The following KDM4C variants were observed in gnomAD, a reference collection of about 807,000 sequenced individuals.
KDM4C encodes the protein lysine demethylase 4C, also known as lysine-specific demethylase 4C.
A neutral mutation model predicts 129.3 loss-of-function variants in KDM4C; 81 were observed. The observed-to-expected ratio is 0.63, with a 90% CI of 0.52 to 0.75. The LOEUF (loss-of-function observed/expected upper bound fraction) is 0.75, where lower values mean the gene tolerates loss of function less well. KDM4C is among the 30% of genes least tolerant of loss of function. The pLI is 0.00. For missense variants in KDM4C, 1,457 were observed against 1,304.0 expected (o/e 1.12, Z -1.81); for synonymous variants, 573 against 456.1 (o/e 1.26, Z -3.26).
At chr9:7,076,778 C>T in intron 17 of KDM4C, 3 of 1,075,480 alleles carry the variant, frequency 2.8e-6, no homozygotes, top group Non-Finnish European at 3.4e-6. Flanking sequence ...CTAGAGTTTC[C>T]CTTTCCCTTT....
intron 17 of KDM4C, among the ~76,000 whole-genome samples, chr9:7,095,581 G>A (rs1836326067): frequency 6.6e-6 from 1 of 151,466 alleles, no homozygotes; most frequent in East Asian, 1.9e-4. Context: ...CCTAAATTGT[G>A]CCATATGGGA....
At chr9:6,755,002 C>T (rs150140955), upstream of KDM4C, among the ~76,000 whole-genome samples, 3 of 152,050 alleles carry the variant, frequency 2.0e-5, no homozygotes, top group East Asian at 1.9e-4. Context: ...CTTTTGGAGG[C>T]GGAGGCCAGC....
At chr9:7,088,370 T>G (rs930653591) in intron 17 of KDM4C, among the ~76,000 whole-genome samples, 216 of 152,352 alleles carry the variant, frequency 1.4e-3, no homozygotes, top group African/African-American at 5.1e-3. Flanking sequence ...AATGTGGCAT[T>G]TTTAAACTCT....
chr9:6,991,816 GC>G, intron 12 of KDM4C, among the ~76,000 whole-genome samples: 1 of 152,002 alleles, frequency 6.6e-6, no homozygotes, highest in South Asian at 2.1e-4. Context: ...TGGGAGCATT[GC>G]TTGAGCTCAG....
intron 4 of KDM4C, among the ~76,000 whole-genome samples, chr9:6,821,924 T>C (rs1447464564): frequency 6.6e-6 from 1 of 152,184 alleles, no homozygotes; most frequent in Non-Finnish European, 1.5e-5. Context: ...CGTGAGCTGC[T>C]GTGCCCGGCT....
intron 5 of KDM4C, among the ~76,000 whole-genome samples, chr9:6,866,805 A>G (rs931372211): frequency 6.0e-5 from 9 of 149,874 alleles, no homozygotes; most frequent in African/African-American, 9.9e-5. Context: ...TTCTCTTACT[A>G]TTTGCTTGGA....
At chr9:7,143,129 G>A (rs983328881) in intron 19 of KDM4C, among the ~76,000 whole-genome samples, 13 of 152,030 alleles carry the variant, frequency 8.6e-5, no homozygotes, top group Non-Finnish European at 1.8e-4. Flanking sequence ...TACCAGCATC[G>A]CTTATACTGA....
At chr9:6,920,526 G>T (rs937141096) in intron 8 of KDM4C, among the ~76,000 whole-genome samples, 3 of 147,606 alleles carry the variant, frequency 2.0e-5, no homozygotes, top group African/African-American at 7.8e-5. Flanking sequence ...TCGTTCCACT[G>T]CACTCCAGCC....
intron 17 of KDM4C, among the ~76,000 whole-genome samples, chr9:7,065,994 TAAA>T (rs35817401): frequency 4.9e-5 from 7 of 144,100 alleles, no homozygotes; most frequent in African/African-American, 7.7e-5. Flanking sequence ...GTAACAGCTT[TAAA>T]AAAAAAAAAA....
chr9:6,902,898 G>A (rs2130993182), intron 8 of KDM4C: 1 of 152,286 alleles, frequency 6.6e-6, no homozygotes, highest in African/African-American at 2.4e-5. Flanking sequence ...GGACCAGATT[G>A]CTGAGAGAAG....
chr9:6,814,565 A>G (rs1588459330), intron 3 of KDM4C, 66 bp from the exon 4 acceptor site: 1 of 976,592 alleles, frequency 1.0e-6, no homozygotes, highest in Non-Finnish European at 1.5e-6. Context: ...ATTTAAATCA[A>G]TTTGGTGGGA....
At chr9:7,126,416 C>T (rs1315892104) in intron 18 of KDM4C, among the ~76,000 whole-genome samples, 1 of 152,094 alleles carries the variant, frequency 6.6e-6, no homozygotes. Context: ...TTAAAAATTA[C>T]TTGGGTGTAT....
At chr9:6,846,359 G>T (rs1837853095) in intron 4 of KDM4C, among the ~76,000 whole-genome samples, 2 of 152,182 alleles carry the variant, frequency 1.3e-5, no homozygotes, top group South Asian at 4.1e-4. Flanking sequence ...ATACAAGTGT[G>T]TATAGTGTAA....
chr9:7,030,755 A>G (rs1011073665), intron 15 of KDM4C, among the ~76,000 whole-genome samples: 5 of 152,354 alleles, frequency 3.3e-5, no homozygotes, highest in Non-Finnish European at 7.3e-5. Flanking sequence ...GAGAATTTGA[A>G]TATTTATGCT....
chr9:7,009,212 A>T (rs971588454), intron 12 of KDM4C, among the ~76,000 whole-genome samples: 4 of 152,228 alleles, frequency 2.6e-5, no homozygotes, highest in African/African-American at 9.6e-5. Flanking sequence ...AAGAGAACCA[A>T]ACATATTCTG....
chr9:7,065,630 T>C (rs1319480794), intron 17 of KDM4C, among the ~76,000 whole-genome samples: 4 of 152,226 alleles, frequency 2.6e-5, no homozygotes, highest in African/African-American at 9.6e-5. Flanking sequence ...TCATCTGATT[T>C]TTACAATGAT....
intron 2 of KDM4C, among the ~76,000 whole-genome samples, chr9:6,805,190 C>T (rs760499756): frequency 2.0e-5 from 3 of 152,186 alleles, no homozygotes; most frequent in East Asian, 1.9e-4. Flanking sequence ...TGTGCCACTG[C>T]GCCCTGCCAA....
At chr9:6,986,017 G>GT (rs1197241093) in intron 10 of KDM4C, among the ~76,000 whole-genome samples, 1 of 152,186 alleles carries the variant, frequency 6.6e-6, no homozygotes, top group Non-Finnish European at 1.5e-5. Flanking sequence ...CTTACACTGT[G>GT]TTTAATTAGC....
At chr9:6,771,109 T>TTTTTA (rs1821747189) in intron 1 of KDM4C, among the ~76,000 whole-genome samples, 1 of 122,576 alleles carries the variant, frequency 8.2e-6, no homozygotes, top group African/African-American at 3.1e-5. Flanking sequence ...TTTTTTTTTT[T>TTTTTA]AAGAGATGAG....
Sources: allele counts gnomAD v4.1 joint callset (sites outside exome capture counted in the v4.1 genomes callset), GRCh38; gene constraint gnomAD v4.1.1; transcripts MANE v1.5; gene names NCBI Gene and HGNC (gene_info 2026-07-23, HGNC 2026-07-21).